Variants in PTPN5 observed in about 807,000 individuals in gnomAD.
PTPN5 encodes the protein protein tyrosine phosphatase non-receptor type 5.
PTPN5 carries 29 observed loss-of-function variants against 73.9 expected under a neutral mutation model. The ratio of observed to expected loss-of-function variants is 0.39; its 90% CI spans 0.29 to 0.54. The LOEUF (loss-of-function observed/expected upper bound fraction) is 0.54, where lower values mean the gene tolerates loss of function less well. Ranked by LOEUF, PTPN5 falls within the 20% of genes least tolerant of loss-of-function variation. The probability of loss-of-function intolerance (pLI) is 0.65; values close to 1 mark genes in which losing one functional copy is unlikely to be tolerated. For synonymous variants in PTPN5, 267 were observed against 304.7 expected (o/e 0.88, Z 1.29); for missense variants, 652 against 751.4 (o/e 0.87, Z 1.55).
chr11:18,784,093 T>C (rs1851563207), intron 1 of PTPN5, among the ~76,000 whole-genome samples: 1 of 152,152 alleles, frequency 6.6e-6, no homozygotes, highest in South Asian at 2.1e-4. Context: ...AAAAATCCTT[T>C]TTAAAAAATG....
intron 2 of PTPN5, among the ~76,000 whole-genome samples, chr11:18,767,717 C>A (rs1487948926): frequency 6.6e-6 from 1 of 152,358 alleles, no homozygotes; most frequent in Middle Eastern, 3.4e-3. Flanking sequence ...TTCCTCAGAA[C>A]TCAACGTTTA....
rs576633443 is a variant in PTPN5, at chr11:18,779,543, T to C, written c.-113-7472A>G. Among the ~76,000 whole-genome samples the C allele has an allele frequency of 2.6e-5, 4 of 152,218 alleles. 1 individual carries two copies. The highest frequency in any genetic ancestry group is 9.6e-5 in the African/African-American group (4 of 41,522). On this transcript the variant is annotated intron_variant, in intron 1 of 14. Coordinates refer to ENST00000358540, the MANE Select transcript of PTPN5 (RefSeq NM_006906.2). The stretch of plus-strand genomic sequence containing the variant: ...TGAGACAACCCCATGAAAACATCAT[T>C]ATCTCACTCTGCAGGAGCTATAGGC...
At position 18,744,119 on chromosome 11, in the gene PTPN5, G is replaced by T. The variant is rs371701107; in HGVS notation, c.178C>A (p.Pro60Thr). The change falls in exon 4 of 15, where the codon CCT (proline) becomes ACT (threonine). Residue 60 changes from proline (P) to threonine (T), a missense_variant. Physicochemically the swap from Pro to Thr is conservative, Grantham distance 38. Around this residue, in one of 3 missense-constraint regions of PTPN5, gnomAD observed 529 missense variants for 573.9 expected, o/e 0.92. Coordinates refer to ENST00000358540, the MANE Select transcript of PTPN5 (RefSeq NM_006906.2). The part of the protein sequence containing the change: ...QDSQREMPPP[P>T]PPSPPSDPAQ... ...GGATCTGAGGGCGGCGAGGGAGGAG[G>T]GGGTGGCGGCATCTCTCTCTGTGAG... 1 of 1,610,562 alleles carries T rather than the reference G, an allele frequency of 6.2e-7. No individual in the cohort carries two copies. Among genetic ancestry groups the T allele is most frequent in the Non-Finnish European group, 8.5e-7 (1 of 1,178,708 alleles).
intron 3 of PTPN5, among the ~76,000 whole-genome samples, chr11:18,746,196 T>TACACA (rs1162694331): frequency 1.6e-4 from 13 of 80,500 alleles, no homozygotes; most frequent in South Asian, 3.7e-4. Flanking sequence ...TATATATACA[T>TACACA]TTTTTTTTTT....
intron 3 of PTPN5, among the ~76,000 whole-genome samples, chr11:18,757,258 A>G (rs1447719365): frequency 1.3e-5 from 2 of 152,342 alleles, no homozygotes; most frequent in East Asian, 3.9e-4. Flanking sequence ...TTCACAGTGG[A>G]AATGCCTCAT....
chr11:18,753,399 T>C (rs1189985027), intron 3 of PTPN5, among the ~76,000 whole-genome samples: 1 of 152,216 alleles, frequency 6.6e-6, no homozygotes, highest in African/African-American at 2.4e-5. Flanking sequence ...TCCTTCTATC[T>C]CTAAAGATCC....
intron 1 of PTPN5, among the ~76,000 whole-genome samples, chr11:18,787,380 T>C (rs1276309204): frequency 1.3e-5 from 2 of 152,226 alleles, no homozygotes; most frequent in South Asian, 2.1e-4. Flanking sequence ...GGGCCAGGCT[T>C]GGTTTGCTAG....
intron 3 of PTPN5, among the ~76,000 whole-genome samples, chr11:18,757,736 C>T (rs1220783712): frequency 6.6e-6 from 1 of 152,188 alleles, no homozygotes; most frequent in Non-Finnish European, 1.5e-5. Flanking sequence ...GACTGGCTTT[C>T]CCTAGACCCC....
At chr11:18,738,444 G>A (rs1053686804) in intron 8 of PTPN5, among the ~76,000 whole-genome samples, 4 of 152,174 alleles carry the variant, frequency 2.6e-5, no homozygotes, top group Admixed American at 2.6e-4. Flanking sequence ...GAGATCCCAG[G>A]AATATCTGCA....
rs776329248 is a variant in PTPN5 at position 18,737,928 on chromosome 11, C to T, written c.952G>A (p.Asp318Asn). ...PMNFVDPKEY[D>N]IPGLVRKNRY... ...TTCTTCCGCACCAGCCCAGGGATGT[C>T]GTACTCTTTCGGATCCACAAAGTTC... Residue 318 changes from aspartate to asparagine, a missense_variant, in exon 9 of 15, where the codon GAC (aspartate) becomes AAC (asparagine). Asp to Asn is a conservative substitution (Grantham distance 23). Around this residue, in one of 3 missense-constraint regions of PTPN5, gnomAD observed 529 missense variants for 573.9 expected, o/e 0.92. Coordinates refer to ENST00000358540, the MANE Select transcript of PTPN5 (RefSeq NM_006906.2). The T allele has an allele frequency of 1.3e-5, 21 of 1,614,178 alleles. No homozygotes were observed. Among genetic ancestry groups the T allele is most frequent in the Middle Eastern group, 1.6e-4 (1 of 6,062 alleles).
intron 1 of PTPN5, among the ~76,000 whole-genome samples, chr11:18,774,992 G>T (rs1387855806): frequency 6.6e-6 from 1 of 152,180 alleles, no homozygotes; most frequent in Non-Finnish European, 1.5e-5. Context: ...CTTCACAACA[G>T]AAAGGGCAGC....
chr11:18,775,295 T>C (rs1019708312), intron 1 of PTPN5, among the ~76,000 whole-genome samples: 5 of 152,214 alleles, frequency 3.3e-5, no homozygotes, highest in Non-Finnish European at 7.3e-5. Context: ...GCAGTTGCTT[T>C]CTATATGTTC....
intron 1 of PTPN5, among the ~76,000 whole-genome samples, chr11:18,781,323 C>CTTTT (rs58611404): frequency 5.2e-5 from 6 of 114,428 alleles, no homozygotes; most frequent in Non-Finnish European, 6.9e-5. Context: ...TTTTTGACCA[C>CTTTT]TTTTTTTTTT....
chr11:18,763,347 G>A (rs1224354147), intron 3 of PTPN5, among the ~76,000 whole-genome samples: 1 of 152,240 alleles, frequency 6.6e-6, no homozygotes, highest in Non-Finnish European at 1.5e-5. Flanking sequence ...AGGTAGCGGT[G>A]ACGACACGGG....
chr11:18,775,169 A>G (rs557733355), intron 1 of PTPN5, among the ~76,000 whole-genome samples: 10 of 152,240 alleles, frequency 6.6e-5, no homozygotes, highest in Non-Finnish European at 1.5e-4. Context: ...AAGGCCACAC[A>G]GCTAGTTATC....
At chr11:18,773,263 G>A (rs575827259) in intron 1 of PTPN5, among the ~76,000 whole-genome samples, 9 of 146,878 alleles carry the variant, frequency 6.1e-5, no homozygotes, top group Non-Finnish European at 8.9e-5. Context: ...TATCCTTCCA[G>A]TCTTTGTTTT....
chr11:18,788,185 C>G (rs1038039713), intron 1 of PTPN5, among the ~76,000 whole-genome samples: 7 of 152,174 alleles, frequency 4.6e-5, no homozygotes, highest in Non-Finnish European at 1.0e-4. Context: ...ATTCTTACAA[C>G]CACCCCCAGT....
rs773260017 is a variant in PTPN5, at chr11:18,733,514, G to A, written c.1080+42C>T. On this transcript the variant is annotated intron_variant, in intron 10 of 14. Transcript: ENST00000358540. This position sits in a 1 kb window ranked among gnomAD's most constrained non-coding sequence, Gnocchi z 4.3. ...TGGAGGATGGATCCCATCGACTCAGGCCTCCCCTTGAGCAAGAGGCCGTCA... is the reference window on the plus strand; with the variant it reads ...TGGAGGATGGATCCCATCGACTCAGACCTCCCCTTGAGCAAGAGGCCGTCA... The A allele has an allele frequency of 6.2e-7, 1 of 1,612,704 alleles. No homozygotes were observed. The highest frequency in any genetic ancestry group is 1.7e-5 in the Admixed American group (1 of 60,032).
At chr11:18,758,511 A>G (rs1227434778) in intron 3 of PTPN5, among the ~76,000 whole-genome samples, 1 of 152,222 alleles carries the variant, frequency 6.6e-6, no homozygotes, top group Non-Finnish European at 1.5e-5. Flanking sequence ...GCCACATGGA[A>G]TGGAAGAATC....
Sources: allele counts gnomAD v4.1 joint callset (sites outside exome capture counted in the v4.1 genomes callset), GRCh38; gene constraint gnomAD v4.1.1; regional missense constraint gnomAD v4.1.1; non-coding constraint Gnocchi (gnomAD v3.1); transcripts MANE v1.5; gene names NCBI Gene and HGNC (gene_info 2026-07-23, HGNC 2026-07-21).